The following PTPRE variants were observed in gnomAD, a reference collection of about 807,000 sequenced individuals.
PTPRE encodes receptor-type tyrosine-protein phosphatase epsilon.
PTPRE carries 51 observed loss-of-function variants against 102.0 expected under a neutral mutation model. The ratio of observed to expected loss-of-function variants is 0.50; its 90% CI spans 0.40 to 0.63. PTPRE has a LOEUF of 0.63. PTPRE is among the 30% of genes least tolerant of loss of function. PTPRE has a pLI of 0.00. For missense variants in PTPRE, 752 were observed against 915.1 expected (o/e 0.82, Z 2.30); for synonymous variants, 345 against 348.2 (o/e 0.99, Z 0.10).
intron 2 of PTPRE, among the ~76,000 whole-genome samples, chr10:127,983,114 A>G (rs1041822330): frequency 1.3e-5 from 2 of 152,186 alleles, no homozygotes; most frequent in African/African-American, 4.8e-5. Flanking sequence ...TTTCAGGTCA[A>G]TGGATCAATT....
chr10:128,067,140 CAT>C (rs138090691), intron 11 of PTPRE, among the ~76,000 whole-genome samples: 46,979 of 146,612 alleles, frequency 0.32, 7,666 homozygotes, highest in East Asian at 0.45. Context: ...TTCACACACA[CAT>C]GTGCACACAC....
chr10:127,920,496 G>T (rs532446561), intron 1 of PTPRE, among the ~76,000 whole-genome samples: 2 of 152,312 alleles, frequency 1.3e-5, no homozygotes, highest in African/African-American at 4.8e-5. Context: ...CAGGGCAGAG[G>T]GACCAACCCC....
At chr10:127,911,546 C>G (rs1377809943) in intron 1 of PTPRE, among the ~76,000 whole-genome samples, 1 of 152,228 alleles carries the variant, frequency 6.6e-6, no homozygotes, top group Non-Finnish European at 1.5e-5. Context: ...TAGAAACTCT[C>G]AGAACTTCAC....
intron 2 of PTPRE, chr10:127,999,612 A>C (rs371229825): frequency 1.0e-6 from 1 of 985,300 alleles, no homozygotes; most frequent in Non-Finnish European, 1.2e-6. Flanking sequence ...ACACTGGATT[A>C]TATGCCGCCT....
chr10:127,977,785 C>A (rs979931832), intron 1 of PTPRE, among the ~76,000 whole-genome samples: 1 of 152,244 alleles, frequency 6.6e-6, no homozygotes, highest in African/African-American at 2.4e-5. Flanking sequence ...ACTGGCCTGA[C>A]CTTGCCTGCC....
chr10:127,991,915 C>G (rs1211094857), intron 2 of PTPRE, among the ~76,000 whole-genome samples: 1 of 152,198 alleles, frequency 6.6e-6, no homozygotes, highest in Non-Finnish European at 1.5e-5. Context: ...CTGGGCCCCT[C>G]AACACCACTC....
At chr10:128,078,433 C>T (rs1851417272) in intron 19 of PTPRE, among the ~76,000 whole-genome samples, 1 of 152,276 alleles carries the variant, frequency 6.6e-6, no homozygotes, top group Non-Finnish European at 1.5e-5. Context: ...TCTGATCCTG[C>T]TGCACACTTC....
intron 1 of PTPRE, among the ~76,000 whole-genome samples, chr10:127,950,195 GTGGATATTAAGGGTA>G (rs1162579859): frequency 1.3e-5 from 2 of 152,090 alleles, no homozygotes; most frequent in Non-Finnish European, 2.9e-5. Flanking sequence ...ATGTGTGGGA[GTGGATATTAAGGGTA>G]TGGACTAACA....
chr10:128,059,216 C>T (rs1849285578), intron 7 of PTPRE, among the ~76,000 whole-genome samples: 1 of 152,216 alleles, frequency 6.6e-6, no homozygotes. Flanking sequence ...TTCAGCAGAG[C>T]TATTTCTGCC....
chr10:127,922,178 A>G (rs926450848), intron 1 of PTPRE, among the ~76,000 whole-genome samples: 6 of 152,252 alleles, frequency 3.9e-5, no homozygotes, highest in Non-Finnish European at 7.3e-5. Context: ...AGCAGCCCTG[A>G]AGCCACAGGA....
At chr10:127,965,625 T>C (rs1231966333) in intron 1 of PTPRE, among the ~76,000 whole-genome samples, 8 of 152,264 alleles carry the variant, frequency 5.3e-5, no homozygotes, top group African/African-American at 1.7e-4. Context: ...TCTTTTACTT[T>C]ATGTTGAACA....
At chr10:127,950,060 G>A (rs1388565620) in intron 1 of PTPRE, among the ~76,000 whole-genome samples, 1 of 151,992 alleles carries the variant, frequency 6.6e-6, no homozygotes, top group Non-Finnish European at 1.5e-5. Context: ...TAGACCTACT[G>A]TAACTAGACT....
At chr10:127,939,757 C>A (rs1334939297) in intron 1 of PTPRE, among the ~76,000 whole-genome samples, 13 of 151,890 alleles carry the variant, frequency 8.6e-5, no homozygotes. Context: ...GAAGGAGAGG[C>A]AGGAGGAGGC....
chr10:128,067,972 C>A, intron 11 of PTPRE, 151 bp from the exon 12 acceptor site: 2 of 840,052 alleles, frequency 2.4e-6, no homozygotes, highest in Non-Finnish European at 1.8e-6. Flanking sequence ...AAGGTCCAGG[C>A]TGTCTGGCTC....
chr10:127,946,542 T>A (rs1848633947), intron 1 of PTPRE, among the ~76,000 whole-genome samples: 1 of 112,872 alleles, frequency 8.9e-6, no homozygotes, highest in African/African-American at 3.0e-5. Flanking sequence ...CCTCGCAGGC[T>A]GGCAGGGAGG....
At chr10:128,060,032 C>T (rs1470921479) in intron 7 of PTPRE, among the ~76,000 whole-genome samples, 4 of 150,428 alleles carry the variant, frequency 2.7e-5, no homozygotes, top group African/African-American at 9.8e-5. Flanking sequence ...TCCACACAAA[C>T]ATATCACACA....
At chr10:127,998,816 C>A (rs1853562414) in intron 2 of PTPRE, 1 of 151,962 alleles carries the variant, frequency 6.6e-6, no homozygotes, top group South Asian at 2.1e-4. Context: ...ACTGGTCAAC[C>A]CATACAATGT....
intron 2 of PTPRE, among the ~76,000 whole-genome samples, chr10:128,007,817 G>A (rs1157003521): frequency 1.3e-5 from 2 of 152,178 alleles, no homozygotes; most frequent in Admixed American, 1.3e-4. Context: ...TAGAGAAAGC[G>A]CCATGAAGAC....
intron 1 of PTPRE, among the ~76,000 whole-genome samples, chr10:127,931,886 A>C (rs1406255925): frequency 1.3e-5 from 2 of 152,178 alleles, no homozygotes; most frequent in Admixed American, 6.5e-5. Flanking sequence ...GCTTCCCAGT[A>C]GGGACTCATC....
Sources: gnomAD v4.1 joint callset for allele counts (sites outside exome capture counted in the v4.1 genomes callset) on GRCh38, gnomAD v4.1.1 for gene constraint, MANE v1.5 for transcripts, NCBI Gene and HGNC (gene_info 2026-07-23, HGNC 2026-07-21) for gene names.